The following PLK4 variants were observed in gnomAD, a reference collection of about 807,000 sequenced individuals.
PLK4 encodes the protein polo like kinase 4.
Under a neutral mutation model 103.0 loss-of-function variants are expected in PLK4, and 51 were observed. The observed-to-expected ratio is 0.50, with a 90% CI of 0.40 to 0.63. PLK4 has a LOEUF of 0.63. Among genes scored for constraint, PLK4 ranks in the 20% least tolerant of loss-of-function variants. The pLI is 0.00. For synonymous variants in PLK4, 389 were observed against 376.8 expected, an observed-to-expected ratio of 1.03 and a Z score of -0.38; for missense variants, 1,054 against 1,151.0, an observed-to-expected ratio of 0.92 and a Z score of 1.22.
intron 15 of PLK4, among the ~76,000 whole-genome samples, chr4:127,897,380 T>C (rs1472827771): frequency 6.6e-6 from 1 of 152,242 alleles, no homozygotes; most frequent in Non-Finnish European, 1.5e-5. Context: ...TATGAAAATA[T>C]GTGTCAGGCA....
At chr4:127,898,314 T>G (rs1010417723) in intron 15 of PLK4, 125 bp from the exon 16 acceptor site, 1 of 579,956 alleles carries the variant, frequency 1.7e-6, no homozygotes, top group East Asian at 3.0e-5. Flanking sequence ...ATAATTGTTA[T>G]AATTTTTCTG....
chr4:127,881,387 C>T (rs1734917638), intron 1 of PLK4: 6 of 1,425,384 alleles, frequency 4.2e-6, no homozygotes, highest in Non-Finnish European at 5.5e-6. Context: ...CCCTCCCCGC[C>T]CGGCAGTGTC....
At chr4:127,890,770 C>CTA (rs1413780240) in intron 7 of PLK4, among the ~76,000 whole-genome samples, 1 of 151,774 alleles carries the variant, frequency 6.6e-6, no homozygotes, top group African/African-American at 2.4e-5. Context: ...TGTTTGTTCC[C>CTA]ATTTTACTTC....
intron 15 of PLK4, among the ~76,000 whole-genome samples, chr4:127,897,966 G>C (rs1421873298): frequency 1.3e-5 from 2 of 149,792 alleles, no homozygotes; most frequent in Non-Finnish European, 3.0e-5. Flanking sequence ...AGCCTCCTGA[G>C]TAGCTGAGAT....
In PLK4 at chr4:127,893,686, T is replaced by C. The variant is rs528298785; in HGVS notation, c.2415-48T>C. 21 of 1,588,264 alleles carry C rather than the reference T, an allele frequency of 1.3e-5. 1 individual carries two copies. The South Asian group carries it at 2.2e-4, about 17-fold the overall frequency. Reference sequence around the variant, plus strand: ...ATATTATAAACATTCTTTAGTTTTCTGTAAATTGAAAGCTTCAAGGGAATA... The same window carrying C: ...ATATTATAAACATTCTTTAGTTTTCCGTAAATTGAAAGCTTCAAGGGAATA... On this transcript the variant is annotated intron_variant, in intron 12 of 15. Coordinates refer to ENST00000270861, the MANE Select transcript of PLK4 (RefSeq NM_014264.5).
chr4:127,898,050 C>A (rs898104663), intron 15 of PLK4, among the ~76,000 whole-genome samples: 2 of 151,746 alleles, frequency 1.3e-5, no homozygotes, highest in Non-Finnish European at 2.9e-5. Context: ...ATTGGCCAGG[C>A]TGGTCTCAAA....
Position 127,895,031 on chromosome 4 carries a change from C to T in PLK4, c.2641C>T (p.Leu881Phe). 6.2e-7 allele frequency: 1 copy of T among 1,611,732 alleles called. No individual in the cohort carries two copies. The change falls in exon 14 of 16, where the codon CTT becomes TTT. Residue 881 changes from leucine (L) to phenylalanine (F), a missense_variant. By Grantham distance (22) the Leu-to-Phe change is conservative. Around this residue, in one of 4 missense-constraint regions of PLK4, gnomAD observed 167 missense variants for 200.7 expected, o/e 0.83. Transcript: ENST00000270861. ...CTCTTCTAATAGTCTAAAAGATTGT[C>T]TTCCTAAATCAGCACAACTTTTGAA... ...DISSNSLKDC[L>F]PKSAQLLKSV...
rs1295899130 is a variant in PLK4 at position 127,893,317 on chromosome 4, C to A, written c.2221C>A (p.Gln741Lys). ...AATACACAAAACAGAAGATTTCATT[C>A]AGGTGATTGAAAAGACAGGGAAGTC... The part of the protein sequence containing the change: ...VKIHKTEDFI[Q>K]VIEKTGKSYT... Residue 741 changes from glutamine to lysine, a missense_variant, in exon 11 of 16, where the codon CAG becomes AAG. By Grantham distance (53) the Gln-to-Lys change is moderately conservative (BLOSUM62 1). Around this residue, in one of 4 missense-constraint regions of PLK4, gnomAD observed 680 missense variants for 660.3 expected, o/e 1.03. Coordinates refer to ENST00000270861, the MANE Select transcript of PLK4 (RefSeq NM_014264.5). 1.9e-6 allele frequency: 3 copies of A among 1,591,090 alleles called. No individual in the cohort carries two copies. The highest frequency in any genetic ancestry group is 1.1e-5 in the South Asian group (1 of 88,046).
Position 127,890,130 on chromosome 4 carries a change from G to A in PLK4, c.1724G>A (p.Gly575Asp), listed in dbSNP as rs774028113. 4.3e-6 allele frequency: 7 copies of A among 1,613,850 alleles called. No homozygotes were observed. Among genetic ancestry groups the A allele is most frequent in the Non-Finnish European group, 5.9e-6 (7 of 1,179,738 alleles). The change falls in exon 7 of 16, where the codon GGT (glycine) becomes GAT (aspartate). Residue 575 changes from glycine (G) to aspartate (D), a missense_variant. By Grantham distance (94) the Gly-to-Asp change is moderately conservative. Around this residue, in one of 4 missense-constraint regions of PLK4, gnomAD observed 680 missense variants for 660.3 expected, o/e 1.03. Coordinates refer to ENST00000270861, the MANE Select transcript of PLK4 (RefSeq NM_014264.5). ...CTTTCTGAACAGAGCAAGACTAGGG[G>A]TATGGAGCCACCATGGGGTTATCAG... ...DPLSEQSKTR[G>D]MEPPWGYQNR...
intron 7 of PLK4, among the ~76,000 whole-genome samples, chr4:127,890,550 T>C (rs1452783411): frequency 6.6e-6 from 1 of 152,198 alleles, no homozygotes; most frequent in African/African-American, 2.4e-5. Context: ...ACAATTCCAA[T>C]CAGTGAGCTA....
intron 13 of PLK4, 116 bp from the exon 14 acceptor site, chr4:127,894,837 A>G: frequency 1.6e-6 from 1 of 620,484 alleles, no homozygotes; most frequent in East Asian, 3.3e-5. Context: ...TCGTTAAAAA[A>G]TGTTTGTTTT....
chr4:127,891,248 C>G, intron 8 of PLK4, 52 bp downstream of exon 8: 2 of 889,746 alleles, frequency 2.2e-6, no homozygotes, highest in South Asian at 1.7e-5. Flanking sequence ...CGTTTAAGCA[C>G]GTTTAGCATT....
At chr4:127,898,122 C>T (rs552739799) in intron 15 of PLK4, among the ~76,000 whole-genome samples, 6 of 152,078 alleles carry the variant, frequency 3.9e-5, no homozygotes, top group Non-Finnish European at 8.8e-5. Context: ...AGGCATTAAC[C>T]ACCGCGCCTG....
intron 10 of PLK4, chr4:127,892,722 G>A: frequency 2.4e-6 from 1 of 419,314 alleles, no homozygotes; most frequent in Non-Finnish European, 4.2e-6. Flanking sequence ...CCTATAATAT[G>A]TATATTAGTC....
At chr4:127,885,611 G>A (rs1735091632) in intron 4 of PLK4, 97 bp from the exon 5 acceptor site, 1 of 939,900 alleles carries the variant, frequency 1.1e-6, no homozygotes, top group Non-Finnish European at 1.6e-6. Context: ...CAGTGCTCTA[G>A]AATATTTACC....
In PLK4 at chr4:127,893,396, T is replaced by G. The variant is rs375954941; in HGVS notation, c.2300T>G (p.Met767Arg). Reference sequence around the variant, plus strand: ...AATAGCTTGAAAGAGGAGATAAAAATGTATATGGACCATGCTAATGAGGTA... The same window carrying G: ...AATAGCTTGAAAGAGGAGATAAAAAGGTATATGGACCATGCTAATGAGGTA... ...EVNSLKEEIKMYMDHANEGHR... is the reference protein window; with the variant it reads ...EVNSLKEEIKRYMDHANEGHR... Residue 767 changes from methionine (M) to arginine (R), a missense_variant, in exon 11 of 16, where the codon ATG becomes AGG. By Grantham distance (91) the Met-to-Arg change is moderately conservative. Transcript: ENST00000270861. The G allele has an allele frequency of 6.2e-7, 1 of 1,608,722 alleles. No homozygotes were observed. Among genetic ancestry groups the G allele is most frequent in the African/African-American group, 1.3e-5 (1 of 74,686 alleles).
intron 4 of PLK4, among the ~76,000 whole-genome samples, chr4:127,884,608 A>T (rs1735048624): frequency 6.6e-6 from 1 of 152,220 alleles, no homozygotes; most frequent in African/African-American, 2.4e-5. Context: ...GTTCGAGACC[A>T]GCCTGGCCAA....
At position 127,889,910 on chromosome 4, in the gene PLK4, C is replaced by T. The variant is rs1228906785; in HGVS notation, c.1504C>T (p.Arg502Trp). Reference protein sequence around the residue: ...TTEYDSISPNRDFQGHPDLQK... With the variant: ...TTEYDSISPNWDFQGHPDLQK... ...TGAATATGACAGCATCAGCCCAAACCGGGACTTCCAGGGCCATCCAGATTT... is the reference window on the plus strand; with the variant it reads ...TGAATATGACAGCATCAGCCCAAACTGGGACTTCCAGGGCCATCCAGATTT... The change falls in exon 7 of 16, where the codon CGG (arginine) becomes TGG (tryptophan). Residue 502 changes from arginine to tryptophan, a missense_variant. Arg to Trp is a moderately radical substitution (Grantham distance 101). Around this residue, in one of 4 missense-constraint regions of PLK4, gnomAD observed 680 missense variants for 660.3 expected, o/e 1.03. Transcript: ENST00000270861. The T allele has an allele frequency of 8.1e-6, 13 of 1,612,238 alleles. No individual in the cohort carries two copies. Among genetic ancestry groups the T allele is most frequent in the Admixed American group, 3.4e-5 (2 of 59,674 alleles).
rs1355019028 is a variant in PLK4 at position 127,892,809 on chromosome 4, A to G, written c.2188+295A>G. On this transcript the variant is annotated intron_variant, in intron 10 of 15. Transcript: ENST00000270861. ...AATCACATGAAATGCGCAATGTCCT[A>G]TTTCTTATTAGAAACCTTAAATGGA... The G allele has an allele frequency of 2.7e-5, 6 of 225,838 alleles. No individual in the cohort carries two copies. The South Asian group carries it at 2.9e-4, about 11-fold the overall frequency. 14.0% of individuals were successfully genotyped at this position (225,838 alleles called of 1,614,324 possible).
Sources: allele counts gnomAD v4.1 joint callset (sites outside exome capture counted in the v4.1 genomes callset), GRCh38; gene constraint gnomAD v4.1.1; regional missense constraint gnomAD v4.1.1; transcripts MANE v1.5; gene names NCBI Gene and HGNC (gene_info 2026-07-23, HGNC 2026-07-21).